Variants in LMBR1 observed in about 807,000 individuals in gnomAD.
LMBR1 encodes limb region 1 protein homolog.
Under a neutral mutation model 73.9 loss-of-function variants are expected in LMBR1, and 52 were observed. The observed-to-expected ratio is 0.70, with a 90% CI of 0.56 to 0.89. The LOEUF is 0.89. Ranked by LOEUF, LMBR1 falls within the 40% of genes least tolerant of loss-of-function variation. The pLI is 0.00. For synonymous variants in LMBR1, 215 were observed against 209.4 expected, an observed-to-expected ratio of 1.03 and a Z score of -0.23; for missense variants, 539 against 579.8, an observed-to-expected ratio of 0.93 and a Z score of 0.72.
intron 15 of LMBR1, among the ~76,000 whole-genome samples, chr7:156,691,945 T>C (rs1288349327): frequency 2.6e-5 from 4 of 152,226 alleles, no homozygotes; most frequent in Non-Finnish European, 5.9e-5. Flanking sequence ...TCTACAGTCA[T>C]TTTAAAACAG....
At chr7:156,853,270 A>T (rs1406456332) in intron 1 of LMBR1, among the ~76,000 whole-genome samples, 2 of 152,172 alleles carry the variant, frequency 1.3e-5, no homozygotes, top group African/African-American at 4.8e-5. Flanking sequence ...GTAAGTTGCC[A>T]CAGTAGAAAA....
At chr7:156,776,494 T>C (rs555645881) in intron 5 of LMBR1, among the ~76,000 whole-genome samples, 31 of 152,250 alleles carry the variant, frequency 2.0e-4, no homozygotes, top group Non-Finnish European at 3.7e-4. Context: ...TTGATCCTAT[T>C]CCACCATCTC....
rs1805316636 is a variant in LMBR1, at chr7:156,682,899, A to G, written c.*1179T>C. On this transcript the variant is annotated 3_prime_UTR_variant, in exon 17 of 17. Coordinates refer to ENST00000353442, the MANE Select transcript of LMBR1 (RefSeq NM_022458.4). ...GCCCATCTCCTATTTTTGCATGCAC[A>G]GATTTCGGTATTCTATCCTAGTGGA... 1 of 152,210 alleles carries G rather than the reference A, an allele frequency of 6.6e-6. No homozygotes were observed. Among genetic ancestry groups the G allele is most frequent in the East Asian group, 1.9e-4 (1 of 5,200 alleles). 9.4% of individuals were successfully genotyped at this position (152,210 alleles called of 1,614,324 possible).
downstream of LMBR1, chr7:156,676,569 G>C (rs1392132029): frequency 2.5e-6 from 4 of 1,614,230 alleles, no homozygotes; most frequent in Non-Finnish European, 3.4e-6. Flanking sequence ...GCTGGCACTA[G>C]AGGAGTTCTC....
Position 156,758,534 on chromosome 7 carries a change from T to C in LMBR1, c.685-2069A>G, listed in dbSNP as rs183205141. Among the ~76,000 whole-genome samples, 43 of 152,158 alleles carry C rather than the reference T, an allele frequency of 2.8e-4. 1 individual carries two copies. The highest frequency in any genetic ancestry group is 1.0e-3 in the African/African-American group (43 of 41,500). ...GGGTGGATCTCTCATGAATAACCGA[T>C]TTGGTGCTGTCCACACAGTAATAAC... On this transcript the variant is annotated intron_variant, in intron 8 of 16. Coordinates refer to ENST00000353442, the MANE Select transcript of LMBR1 (RefSeq NM_022458.4).
At chr7:156,881,753 T>C (rs1327390315) in intron 1 of LMBR1, among the ~76,000 whole-genome samples, 9 of 151,036 alleles carry the variant, frequency 6.0e-5, no homozygotes, top group Admixed American at 4.6e-4. Flanking sequence ...ATCAGGGCAA[T>C]GTAAATCAAA....
chr7:156,762,846 AGTGT>A (rs35976164), intron 7 of LMBR1, among the ~76,000 whole-genome samples: 3,781 of 148,574 alleles, frequency 0.025, 83 homozygotes, highest in Middle Eastern at 0.058. Flanking sequence ...TGTGAGTGTG[AGTGT>A]GTGTGTGTGT....
intron 15 of LMBR1, 67 bp downstream of exon 15, chr7:156,724,045 A>G: frequency 1.8e-6 from 2 of 1,118,566 alleles, no homozygotes; most frequent in Non-Finnish European, 2.6e-6. Flanking sequence ...TAAATGTTAA[A>G]TAAGTTCAGT....
intron 1 of LMBR1, among the ~76,000 whole-genome samples, chr7:156,844,646 C>T (rs370077710): frequency 6.6e-6 from 1 of 150,406 alleles, no homozygotes; most frequent in Non-Finnish European, 1.5e-5. Context: ...GGGCTCTATT[C>T]TGGCATCTTG....
chr7:156,824,092 A>AC (rs1835235530), intron 4 of LMBR1, among the ~76,000 whole-genome samples: 1 of 123,190 alleles, frequency 8.1e-6, no homozygotes, highest in East Asian at 2.8e-4. Flanking sequence ...TCCATCTCAA[A>AC]AAACAACAAC....
intron 1 of LMBR1, among the ~76,000 whole-genome samples, chr7:156,844,191 G>A (rs1271408879): frequency 6.6e-6 from 1 of 151,826 alleles, no homozygotes; most frequent in Non-Finnish European, 1.5e-5. Context: ...CAGGATGGTG[G>A]TACACGCCTG....
chr7:156,819,503 T>G (rs1382898096), intron 4 of LMBR1, among the ~76,000 whole-genome samples: 1 of 152,212 alleles, frequency 6.6e-6, no homozygotes, highest in Admixed American at 6.5e-5. Flanking sequence ...TATTGAACAC[T>G]TTCAACATGA....
At chr7:156,691,968 T>A (rs1201144448) in intron 15 of LMBR1, among the ~76,000 whole-genome samples, 1 of 152,240 alleles carries the variant, frequency 6.6e-6, no homozygotes, top group African/African-American at 2.4e-5. Flanking sequence ...ATAATTTAAA[T>A]TGGCTCATTG....
At chr7:156,746,055 T>C (rs1411351823) in intron 9 of LMBR1, among the ~76,000 whole-genome samples, 2 of 152,174 alleles carry the variant, frequency 1.3e-5, no homozygotes, top group African/African-American at 4.8e-5. Flanking sequence ...AACGAATGAG[T>C]ATTTCCATAT....
intron 1 of LMBR1, among the ~76,000 whole-genome samples, chr7:156,883,907 C>T (rs947647464): frequency 6.6e-6 from 1 of 152,168 alleles, no homozygotes; most frequent in Non-Finnish European, 1.5e-5. Flanking sequence ...CTGCAAAATC[C>T]CTTTACCCAT....
rs548121256 is a variant in LMBR1 at position 156,716,673 on chromosome 7, T to C, written c.1225+7439A>G. ...GGTTTGGTTTGATGTCTTCTTTCTC[T>C]ATCCTTCTCAAATAAAAGGACATCC... On this transcript the variant is annotated intron_variant, in intron 15 of 16. Coordinates refer to ENST00000353442, the MANE Select transcript of LMBR1 (RefSeq NM_022458.4). Among the ~76,000 whole-genome samples, 28 of 152,348 alleles carry C rather than the reference T, an allele frequency of 1.8e-4. No individual in the cohort carries two copies. In the East Asian group the frequency reaches 5.4e-3, roughly 29 times the overall value.
At chr7:156,693,803 G>A (rs1350195264) in intron 15 of LMBR1, among the ~76,000 whole-genome samples, 4 of 152,228 alleles carry the variant, frequency 2.6e-5, no homozygotes, top group East Asian at 1.9e-4. Context: ...GGCCAGCATC[G>A]CCCTGATTCC....
Position 156,848,192 on chromosome 7 carries a change from A to G in LMBR1, c.67-11307T>C, listed in dbSNP as rs563318171. ...CTGACAAAGACTTCATGACAAAGAC[A>G]CTAAAAGCAACTGCAACAAAAACAA... On this transcript the variant is annotated intron_variant, in intron 1 of 16. Coordinates refer to ENST00000353442, the MANE Select transcript of LMBR1 (RefSeq NM_022458.4). Among the ~76,000 whole-genome samples, 8 of 152,292 alleles carry G rather than the reference A, an allele frequency of 5.3e-5. No individual in the cohort carries two copies. In the South Asian group the frequency reaches 1.2e-3, roughly 24 times the overall value.
chr7:156,831,275 A>ATTTTTTTTTTTT (rs10633275), intron 3 of LMBR1, among the ~76,000 whole-genome samples: 2 of 127,984 alleles, frequency 1.6e-5, no homozygotes, highest in Non-Finnish European at 1.6e-5. Flanking sequence ...CCTACCCTAG[A>ATTTTTTTTTTTT]TTTTTTTTTT....
Sources: gnomAD v4.1 joint callset for allele counts (sites outside exome capture counted in the v4.1 genomes callset) on GRCh38, gnomAD v4.1.1 for gene constraint, MANE v1.5 for transcripts, NCBI Gene and HGNC (gene_info 2026-07-23, HGNC 2026-07-21) for gene names.